OSBP2: variants seen among roughly 807,000 people sequenced by gnomAD.
OSBP2 encodes oxysterol binding protein 2, also known as oxysterol-binding protein 2.
A neutral mutation model predicts 96.0 loss-of-function variants in OSBP2; 66 were observed. The observed-to-expected ratio is 0.69, with a 90% confidence interval of 0.56 to 0.84. OSBP2 has a LOEUF of 0.84. Ranked by LOEUF, OSBP2 falls within the 40% of genes least tolerant of loss-of-function variation. The pLI, the probability that OSBP2 is intolerant of heterozygous loss-of-function variation, is 0.00. For missense variants in OSBP2, 1,038 were observed against 1,222.7 expected, an observed-to-expected ratio of 0.85 and a Z score of 2.25; for synonymous variants, 525 against 520.9, an observed-to-expected ratio of 1.01 and a Z score of -0.11.
intron 2 of OSBP2, among the ~76,000 whole-genome samples, chr22:30,793,219 A>T (rs1210703090): frequency 6.6e-6 from 1 of 151,940 alleles, no homozygotes; most frequent in East Asian, 1.9e-4. Context: ...GTGAAAACCC[A>T]TCTCTACTAA....
intron 2 of OSBP2, among the ~76,000 whole-genome samples, chr22:30,746,230 G>A (rs1331867020): frequency 1.3e-5 from 2 of 151,990 alleles, no homozygotes; most frequent in African/African-American, 4.8e-5. Context: ...ACTAACCTGG[G>A]CAACATAGTG....
intron 2 of OSBP2, among the ~76,000 whole-genome samples, chr22:30,790,602 G>T (rs1042559588): frequency 2.1e-5 from 3 of 145,818 alleles, no homozygotes; most frequent in Non-Finnish European, 3.0e-5. Context: ...TTTTCAGCAA[G>T]ACTGTAAGCC....
chr22:30,758,859 A>G (rs1372870800), intron 2 of OSBP2, among the ~76,000 whole-genome samples: 1 of 152,210 alleles, frequency 6.6e-6, no homozygotes, highest in Non-Finnish European at 1.5e-5. Flanking sequence ...GAACCAGAAA[A>G]AAACAGGAAA....
chr22:30,727,880 G>T (rs1445385298), intron 1 of OSBP2, among the ~76,000 whole-genome samples: 2 of 152,008 alleles, frequency 1.3e-5, no homozygotes, highest in Non-Finnish European at 2.9e-5. Context: ...GCTGAGGCGG[G>T]TGGATCACAA....
At chr22:30,750,543 G>C (rs1330889862) in intron 2 of OSBP2, among the ~76,000 whole-genome samples, 1 of 152,130 alleles carries the variant, frequency 6.6e-6, no homozygotes, top group African/African-American at 2.4e-5. Flanking sequence ...AGGCAATGAT[G>C]GGAAGTGGGA....
At chr22:30,812,573 G>A (rs935546129) in intron 2 of OSBP2, among the ~76,000 whole-genome samples, 4 of 152,192 alleles carry the variant, frequency 2.6e-5, no homozygotes, top group Non-Finnish European at 5.9e-5. Flanking sequence ...ATTCCAGAAA[G>A]TGCTGTGCAA....
chr22:30,836,063 A>G (rs1226036898), intron 2 of OSBP2, among the ~76,000 whole-genome samples: 1 of 152,134 alleles, frequency 6.6e-6, no homozygotes, highest in Non-Finnish European at 1.5e-5. Flanking sequence ...GCTCAGTGCT[A>G]TTTATTGAGC....
rs191751925 is a variant in OSBP2 at position 30,805,478 on chromosome 22, T to C, written c.853+64109T>C. 6.1e-3 allele frequency among the ~76,000 whole-genome samples: 922 copies of C among 152,346 alleles called. 4 individuals are homozygous for C. The highest frequency in any genetic ancestry group is 0.011 in the Admixed American group (166 of 15,304). On this transcript the variant is annotated intron_variant, in intron 2 of 13. Coordinates refer to ENST00000332585, the MANE Select transcript of OSBP2 (RefSeq NM_030758.4). Reference sequence around the variant, plus strand: ...CCTGATTTTAACCTATTATTAATTGTATGCCATGATTTAACCTCTATAAGC... The same window carrying C: ...CCTGATTTTAACCTATTATTAATTGCATGCCATGATTTAACCTCTATAAGC...
intron 2 of OSBP2, among the ~76,000 whole-genome samples, chr22:30,854,977 CAA>C (rs10560362): frequency 0.64 from 96,647 of 151,772 alleles, 32,442 homozygotes; most frequent in African/African-American, 0.86. Flanking sequence ...GGGTGAAAGC[CAA>C]CTTATAAAAC....
intron 2 of OSBP2, among the ~76,000 whole-genome samples, chr22:30,742,151 G>C (rs1027789172): frequency 6.6e-6 from 1 of 151,762 alleles, no homozygotes; most frequent in African/African-American, 2.4e-5. Flanking sequence ...TGTAATGTTC[G>C]GCTGGGTGTG....
At chr22:30,719,629 C>T (rs1003508712) in intron 1 of OSBP2, among the ~76,000 whole-genome samples, 11 of 151,618 alleles carry the variant, frequency 7.3e-5, no homozygotes, top group Admixed American at 2.6e-4. Flanking sequence ...TGGCGCACCC[C>T]GGTAATCCCA....
At chr22:30,905,796 T>A in intron 12 of OSBP2, 41 bp from the exon 13 acceptor site, 1 of 1,605,658 alleles carries the variant, frequency 6.2e-7, no homozygotes, top group Non-Finnish European at 8.5e-7. Flanking sequence ...GTGGTCCGGC[T>A]CACACCGCAG....
chr22:30,888,148 C>T, intron 4 of OSBP2, 75 bp from the exon 5 acceptor site: 1 of 994,334 alleles, frequency 1.0e-6, no homozygotes, highest in Admixed American at 1.7e-5. Flanking sequence ...TGGGGGAGCC[C>T]TTGGCTCTGG....
intron 3 of OSBP2, among the ~76,000 whole-genome samples, chr22:30,874,192 G>A (rs779508890): frequency 7.9e-5 from 12 of 151,376 alleles, no homozygotes; most frequent in Non-Finnish European, 1.3e-4. Flanking sequence ...AGCCAAGATC[G>A]CACCACTGCA....
intron 1 of OSBP2, among the ~76,000 whole-genome samples, chr22:30,710,275 C>G (rs918165963): frequency 1.4e-4 from 22 of 152,204 alleles, no homozygotes; most frequent in African/African-American, 4.8e-4. Context: ...AGAGCAGAAT[C>G]AGTGCTTGAC....
At chr22:30,856,177 C>G (rs747005749) in intron 2 of OSBP2, among the ~76,000 whole-genome samples, 12 of 152,140 alleles carry the variant, frequency 7.9e-5, no homozygotes, top group Admixed American at 1.3e-4. Context: ...TAAGGATCTT[C>G]TTTTCCTTCT....
At chr22:30,746,485 CTTT>C (rs34500140) in intron 2 of OSBP2, among the ~76,000 whole-genome samples, 1 of 101,528 alleles carries the variant, frequency 9.8e-6, no homozygotes. Context: ...GGATGAAACA[CTTT>C]TTTTTTTTTT....
chr22:30,836,555 T>C (rs2038637343), intron 2 of OSBP2, among the ~76,000 whole-genome samples: 1 of 152,194 alleles, frequency 6.6e-6, no homozygotes, highest in Non-Finnish European at 1.5e-5. Flanking sequence ...CCCCTGAATA[T>C]AATGCTTAAC....
At chr22:30,903,323 G>A (rs1226592742) in intron 12 of OSBP2, among the ~76,000 whole-genome samples, 2 of 152,222 alleles carry the variant, frequency 1.3e-5, no homozygotes, top group Non-Finnish European at 2.9e-5. Context: ...TGGACATAGA[G>A]AATTGGAGGC....
Sources: gnomAD v4.1 joint callset for allele counts (sites outside exome capture counted in the v4.1 genomes callset) on GRCh38, gnomAD v4.1.1 for gene constraint, MANE v1.5 for transcripts, NCBI Gene and HGNC (gene_info 2026-07-23, HGNC 2026-07-21) for gene names.